Variants in SMAD4 observed in about 807,000 individuals in gnomAD.
The protein encoded by SMAD4 is SMAD family member 4, also known as MAD homolog 4.
Under a neutral mutation model 63.2 loss-of-function variants are expected in SMAD4, and 7 were observed. That is an observed-to-expected ratio of 0.11 (90% CI 0.06 to 0.21). SMAD4 has a LOEUF of 0.21. SMAD4 is among the 10% of genes least tolerant of loss of function. SMAD4 has a pLI of 1.00. For synonymous variants in SMAD4, 215 were observed against 235.4 expected, an observed-to-expected ratio of 0.91 and a Z score of 0.79; for missense variants, 312 against 693.8, an observed-to-expected ratio of 0.45 and a Z score of 6.18.
intron 10 of SMAD4, among the ~76,000 whole-genome samples, chr18:51,073,388 T>TATATATATATAC (rs1417299090): frequency 1.5e-3 from 97 of 64,154 alleles, no homozygotes; most frequent in African/African-American, 2.8e-3. Flanking sequence ...TATATATATA[T>TATATATATATAC]ACACACACAC....
chr18:51,043,304 A>T (rs1909444136), intron 1 of SMAD4, among the ~76,000 whole-genome samples: 1 of 152,150 alleles, frequency 6.6e-6, no homozygotes, highest in African/African-American at 2.4e-5. Flanking sequence ...TGGTCAATTT[A>T]TGTTTCCCAC....
chr18:51,033,588 A>C (rs1343914480), intron 1 of SMAD4, among the ~76,000 whole-genome samples: 1 of 152,258 alleles, frequency 6.6e-6, no homozygotes, highest in Non-Finnish European at 1.5e-5. Flanking sequence ...AGAAATTCAA[A>C]CAGTTCACAA....
chr18:51,058,800 T>C (rs1351990654), intron 7 of SMAD4, among the ~76,000 whole-genome samples: 1 of 152,226 alleles, frequency 6.6e-6, no homozygotes, highest in Non-Finnish European at 1.5e-5. Flanking sequence ...CTTTGAGTGC[T>C]AAGTTCTCAA....
At chr18:51,074,842 G>T (rs1814398069) in intron 10 of SMAD4, among the ~76,000 whole-genome samples, 1 of 152,124 alleles carries the variant, frequency 6.6e-6, no homozygotes, top group South Asian at 2.1e-4. Flanking sequence ...TCTGGGTGTT[G>T]TGGGCTTTCT....
intron 1 of SMAD4, among the ~76,000 whole-genome samples, chr18:51,040,079 T>C (rs1909327859): frequency 6.6e-6 from 1 of 152,150 alleles, no homozygotes; most frequent in Admixed American, 6.5e-5. Flanking sequence ...TTATTCCTAG[T>C]AATAACATTG....
chr18:51,040,829 G>A (rs1412254765), intron 1 of SMAD4, among the ~76,000 whole-genome samples: 2 of 152,190 alleles, frequency 1.3e-5, no homozygotes, highest in African/African-American at 2.4e-5. Flanking sequence ...ACTCTTGACT[G>A]CATCTAATAC....
At chr18:51,070,783 G>C (rs1910295968) in intron 10 of SMAD4, among the ~76,000 whole-genome samples, 1 of 152,198 alleles carries the variant, frequency 6.6e-6, no homozygotes, top group Non-Finnish European at 1.5e-5. Context: ...ACTGAGTAGC[G>C]AGCTCAGTTT....
Position 51,080,215 on chromosome 18 carries a change from TAGAAACCACTG to T in SMAD4, c.*1751_*1761del, listed in dbSNP as rs904851814. On this transcript the variant is annotated 3_prime_UTR_variant, in exon 12 of 12. Coordinates refer to ENST00000342988, the MANE Select transcript of SMAD4 (RefSeq NM_005359.6). ...AGAAGGTCTTTTAAATAGACCATCC[TAGAAACCACTG>T]AGTTTGCTTATTTCTGTGATTTAAA... 2 of 232,320 alleles carry T rather than the reference TAGAAACCACTG, an allele frequency of 8.6e-6. No homozygotes were observed. Among genetic ancestry groups the T allele is most frequent in the Non-Finnish European group, 1.7e-5 (2 of 117,604 alleles). 14.4% of individuals were successfully genotyped at this position (232,320 alleles called of 1,614,324 possible).
At chr18:51,063,415 A>AT (rs1169420923) in intron 8 of SMAD4, among the ~76,000 whole-genome samples, 1 of 151,424 alleles carries the variant, frequency 6.6e-6, no homozygotes, top group African/African-American at 2.4e-5. Flanking sequence ...ATATATATAT[A>AT]TTTTTTTAAA....
At chr18:51,049,248 A>C (rs1909635095) in intron 3 of SMAD4, 47 bp from the exon 4 acceptor site, 1 of 1,339,026 alleles carries the variant, frequency 7.5e-7, no homozygotes, top group African/African-American at 1.4e-5. Context: ...AAATACTTTC[A>C]TTGTAATGAT....
rs1425656270 is a variant in SMAD4, at chr18:51,078,484, G to A, written c.*17G>A. The A allele has an allele frequency of 1.3e-6, 2 of 1,571,616 alleles. No individual in the cohort carries two copies. The highest frequency in any genetic ancestry group is 2.2e-5 in the East Asian group (1 of 44,686). ...TTAGACTGAGGTCTTTTACCGTTGG[G>A]GCCCTTAACCTTATCAGGATGGTGG... On this transcript the variant is annotated 3_prime_UTR_variant, in exon 12 of 12. Coordinates refer to ENST00000342988, the MANE Select transcript of SMAD4 (RefSeq NM_005359.6).
At chr18:51,070,113 T>C (rs1245379460) in intron 10 of SMAD4, among the ~76,000 whole-genome samples, 1 of 152,232 alleles carries the variant, frequency 6.6e-6, no homozygotes, top group East Asian at 1.9e-4. Context: ...TCTCTTGTTT[T>C]ATTTATGTAA....
chr18:51,046,754 T>C (rs950692428), intron 1 of SMAD4, among the ~76,000 whole-genome samples, 166 bp from the exon 2 acceptor site: 1 of 152,152 alleles, frequency 6.6e-6, no homozygotes, highest in Non-Finnish European at 1.5e-5. Context: ...TTTTAATGGC[T>C]AATATTTTGT....
chr18:51,040,078 G>T (rs1461801458), intron 1 of SMAD4, among the ~76,000 whole-genome samples: 1 of 152,014 alleles, frequency 6.6e-6, no homozygotes, highest in East Asian at 1.9e-4. Context: ...TTTATTCCTA[G>T]TAATAACATT....
rs1909283910 is a variant in SMAD4, at chr18:51,038,710, C to T, written c.-128+8087C>T. 2.6e-5 allele frequency among the ~76,000 whole-genome samples: 4 copies of T among 152,116 alleles called. No individual in the cohort carries two copies. In the South Asian group the frequency reaches 8.3e-4, roughly 32 times the overall value. ...GATGTAAAACAGTGTTACTCTGATTCCTGACTTTGTTTTAGAAAATTCTGT... is the reference window on the plus strand; with the variant it reads ...GATGTAAAACAGTGTTACTCTGATTTCTGACTTTGTTTTAGAAAATTCTGT... On this transcript the variant is annotated intron_variant, in intron 1 of 11. Transcript: ENST00000342988.
At chr18:51,077,406 A>ACCAC in intron 11 of SMAD4, 1 of 984,768 alleles carries the variant, frequency 1.0e-6, no homozygotes, top group Non-Finnish European at 1.2e-6. Context: ...CCTGTTCTTA[A>ACCAC]CCTCTTCAGT....
At chr18:51,065,400 T>G in intron 8 of SMAD4, 23 bp from the exon 9 acceptor site, 1 of 1,592,778 alleles carries the variant, frequency 6.3e-7, no homozygotes, top group Non-Finnish European at 8.6e-7. Context: ...GGGAGGATGT[T>G]CTTTCCCATT....
intron 1 of SMAD4, among the ~76,000 whole-genome samples, chr18:51,046,051 A>G (rs992543612): frequency 3.3e-5 from 5 of 152,186 alleles, no homozygotes; most frequent in Non-Finnish European, 7.3e-5. Flanking sequence ...AGTTGTATCC[A>G]TTATGAACAA....
intron 4 of SMAD4, among the ~76,000 whole-genome samples, chr18:51,049,959 A>G (rs1426660387): frequency 6.6e-6 from 1 of 152,198 alleles, no homozygotes; most frequent in Non-Finnish European, 1.5e-5. Flanking sequence ...TTTTTATTGT[A>G]ATATTTGAGA....
Sources: allele counts gnomAD v4.1 joint callset (sites outside exome capture counted in the v4.1 genomes callset), GRCh38; gene constraint gnomAD v4.1.1; transcripts MANE v1.5; gene names NCBI Gene and HGNC (gene_info 2026-07-23, HGNC 2026-07-21).